Variants in CLIC4 observed in about 807,000 individuals in gnomAD.
CLIC4 encodes CLIC family member 4, also known as chloride intracellular channel protein 4.
CLIC4 carries 13 observed loss-of-function variants against 24.6 expected under a neutral mutation model. The ratio of observed to expected loss-of-function variants is 0.53; its 90% CI spans 0.34 to 0.84. CLIC4 has a LOEUF of 0.84. Among genes scored for constraint, CLIC4 ranks in the 40% least tolerant of loss-of-function variants. CLIC4 has a pLI of 0.01. For missense variants in CLIC4, 227 were observed against 301.7 expected, an observed-to-expected ratio of 0.75 and a Z score of 1.83; for synonymous variants, 104 against 111.3, an observed-to-expected ratio of 0.93 and a Z score of 0.41.
intron 1 of CLIC4, among the ~76,000 whole-genome samples, chr1:24,781,699 G>A (rs1174896839): frequency 1.3e-5 from 2 of 149,760 alleles, no homozygotes; most frequent in African/African-American, 2.5e-5. Flanking sequence ...ACGGAGTCTC[G>A]CACTGTTGCA....
At chr1:24,824,996 T>TCACACACACACACACA (rs3220273) in intron 3 of CLIC4, among the ~76,000 whole-genome samples, 9 of 133,864 alleles carry the variant, frequency 6.7e-5, no homozygotes, top group Admixed American at 3.0e-4. Flanking sequence ...GGAGACCCTG[T>TCACACACACACACACA]CACACACACA....
At chr1:24,758,221 C>T (rs1015916813) in intron 1 of CLIC4, among the ~76,000 whole-genome samples, 1 of 151,856 alleles carries the variant, frequency 6.6e-6, no homozygotes, top group Non-Finnish European at 1.5e-5. Flanking sequence ...CTCTAGACAA[C>T]TTAGAAAACA....
At chr1:24,828,796 C>T (rs183565012) in intron 4 of CLIC4, among the ~76,000 whole-genome samples, 3 of 152,192 alleles carry the variant, frequency 2.0e-5, no homozygotes, top group Admixed American at 6.5e-5. Flanking sequence ...AAGTAGCCAC[C>T]TACTCTTCCT....
intron 1 of CLIC4, among the ~76,000 whole-genome samples, chr1:24,789,387 G>T (rs1258205430): frequency 6.6e-6 from 1 of 152,144 alleles, no homozygotes; most frequent in African/African-American, 2.4e-5. Context: ...GTATGGTGAT[G>T]TGTGCCTATA....
intron 1 of CLIC4, among the ~76,000 whole-genome samples, chr1:24,751,722 G>A (rs1276658134): frequency 6.6e-6 from 1 of 152,180 alleles, no homozygotes; most frequent in Non-Finnish European, 1.5e-5. Context: ...AAATTAGCCG[G>A]TCGTGGTGGC....
chr1:24,754,415 T>G (rs1638816372), intron 1 of CLIC4, among the ~76,000 whole-genome samples: 1 of 152,154 alleles, frequency 6.6e-6, no homozygotes, highest in Non-Finnish European at 1.5e-5. Context: ...TCGTTAGAGC[T>G]GTGGAGCCTC....
chr1:24,770,566 TA>T (rs529869114), intron 1 of CLIC4, among the ~76,000 whole-genome samples: 2 of 152,216 alleles, frequency 1.3e-5, no homozygotes, highest in African/African-American at 4.8e-5. Flanking sequence ...AAAAAAAGAA[TA>T]AAAAAATTAT....
intron 3 of CLIC4, among the ~76,000 whole-genome samples, chr1:24,818,812 TAA>T (rs59529329): frequency 2.2e-3 from 317 of 146,048 alleles, no homozygotes; most frequent in Admixed American, 2.5e-3. Context: ...TGTCTTAATT[TAA>T]AAAAAAAAAA....
chr1:24,766,777 A>G (rs1482108735), intron 1 of CLIC4, among the ~76,000 whole-genome samples: 1 of 151,456 alleles, frequency 6.6e-6, no homozygotes, highest in Non-Finnish European at 1.5e-5. Context: ...AAGTGCTGGG[A>G]TTATAGGTGT....
chr1:24,798,462 C>T (rs1355044195), intron 2 of CLIC4, among the ~76,000 whole-genome samples: 1 of 152,082 alleles, frequency 6.6e-6, no homozygotes, highest in Non-Finnish European at 1.5e-5. Context: ...GACTTTATGG[C>T]TTATTTTCCA....
rs781062877 is a variant in CLIC4, at chr1:24,805,105, ACAC to A, written c.182+7255_182+7257del. On this transcript the variant is annotated intron_variant, in intron 2 of 5. Transcript: ENST00000374379. Reference sequence around the variant, plus strand: ...CCATGTCAAAAAAAAAAAAAAAAAAACACAAAAACAAAGACAAACGAATTATGG... The same window carrying A: ...CCATGTCAAAAAAAAAAAAAAAAAAAAAAAACAAAGACAAACGAATTATGG... Among the ~76,000 whole-genome samples, 267 of 107,000 alleles carry A rather than the reference ACAC, an allele frequency of 2.5e-3. 22 individuals carry two copies. The highest frequency in any genetic ancestry group is 3.4e-3 in the South Asian group (11 of 3,210). The allele number at this position is 107,000 out of a possible 152,430, so 70.2% of individuals were successfully genotyped here.
chr1:24,810,912 T>A (rs1215371987), intron 2 of CLIC4, among the ~76,000 whole-genome samples: 1 of 151,474 alleles, frequency 6.6e-6, no homozygotes, highest in Admixed American at 6.6e-5. Context: ...ACCCTGTCTC[T>A]ACTAAAAAAT....
chr1:24,754,685 AT>A (rs1373023164), intron 1 of CLIC4, among the ~76,000 whole-genome samples: 3 of 151,522 alleles, frequency 2.0e-5, no homozygotes, highest in Admixed American at 1.3e-4. Flanking sequence ...CAGCTAGTGA[AT>A]TTTCTCATGG....
chr1:24,816,553 T>A (rs1639671447), intron 3 of CLIC4, among the ~76,000 whole-genome samples: 1 of 152,124 alleles, frequency 6.6e-6, no homozygotes, highest in African/African-American at 2.4e-5. Context: ...TGGCTGAATG[T>A]TCTTAATTGC....
chr1:24,801,659 A>G (rs1639491778), intron 2 of CLIC4, among the ~76,000 whole-genome samples: 1 of 152,252 alleles, frequency 6.6e-6, no homozygotes, highest in South Asian at 2.1e-4. Context: ...TGAGCATCAC[A>G]TGCTGATAGT....
chr1:24,823,753 A>G (rs1639758616), intron 3 of CLIC4, among the ~76,000 whole-genome samples: 1 of 146,812 alleles, frequency 6.8e-6, no homozygotes, highest in African/African-American at 2.5e-5. Flanking sequence ...TAGCCTGGAC[A>G]ATAAGAGCAA....
chr1:24,811,078 CA>C (rs1239553408), intron 2 of CLIC4, among the ~76,000 whole-genome samples: 2 of 7,712 alleles, frequency 2.6e-4, no homozygotes, highest in Non-Finnish European at 2.6e-4. Flanking sequence ...GACTCTGTCT[CA>C]GGAAAAAAAA....
chr1:24,828,141 T>C (rs1236910573), intron 4 of CLIC4, among the ~76,000 whole-genome samples: 1 of 152,258 alleles, frequency 6.6e-6, no homozygotes, highest in Non-Finnish European at 1.5e-5. Flanking sequence ...AATTTCCTTA[T>C]GTTATTTCAG....
chr1:24,785,854 C>CAAAAAAAAAAAAAAAAACA (rs1639259973), intron 1 of CLIC4, among the ~76,000 whole-genome samples: 1 of 58,852 alleles, frequency 1.7e-5, no homozygotes, highest in African/African-American at 8.0e-5. Context: ...GACTACAACT[C>CAAAAAAAAAAAAAAAAACA]AAAAAAAAAA....
Sources: allele counts gnomAD v4.1 joint callset (sites outside exome capture counted in the v4.1 genomes callset), GRCh38; gene constraint gnomAD v4.1.1; transcripts MANE v1.5; gene names NCBI Gene and HGNC (gene_info 2026-07-23, HGNC 2026-07-21).